H3C4: variants seen among roughly 807,000 people sequenced by gnomAD.
H3C4 encodes H3 clustered histone 4, also known as histone H3.1.
H3C4 carries 10 observed loss-of-function variants against 8.7 expected under a neutral mutation model. The observed-to-expected ratio is 1.15, with a 90% CI of 0.71 to 1.96. The LOEUF is 1.96. Ranked by LOEUF, H3C4 falls within the 30% of genes most tolerant of loss-of-function variation. The pLI is 0.00. For synonymous variants in H3C4, 141 were observed against 80.1 expected (o/e 1.76, Z -4.06); for missense variants, 216 against 192.9 (o/e 1.12, Z -0.71).
Position 26,196,918 on chromosome 6 carries a change from G to T in H3C4, c.333C>A (p.Cys111Ter), listed in dbSNP as rs372338273. The change falls in exon 1 of 1, where the codon TGC becomes TGA. Residue 111 changes from cysteine to a stop codon, truncating the protein, a stop_gained. Coordinates refer to ENST00000356476, the MANE Select transcript of H3C4 (RefSeq NM_001376937.1). LOFTEE classifies it high-confidence loss of function. ...LVGLFEDTNL[C>*]AIHAKRVTIM... ...TAGTCACTCGCTTGGCGTGAATGGCGCATAGGTTGGTGTCCTCAAACAGCC... is the reference window on the plus strand; with the variant it reads ...TAGTCACTCGCTTGGCGTGAATGGCTCATAGGTTGGTGTCCTCAAACAGCC... The T allele has an allele frequency of 1.9e-6, 3 of 1,614,116 alleles. No homozygotes were observed. Among genetic ancestry groups the T allele is most frequent in the Non-Finnish European group, 2.5e-6 (3 of 1,180,040 alleles).
chr6:26,199,243 T>C (rs1216154213), upstream of H3C4: 6 of 1,592,406 alleles, frequency 3.8e-6, no homozygotes, highest in East Asian at 4.5e-5. Flanking sequence ...CGTCCGGACA[T>C]TTTGAATTCT....
chr6:26,197,114 G>A lies in H3C4; in HGVS notation c.137C>T (p.Thr46Met). ...VKKPHRYRPG[T>M]VALREIRRYQ... Reference sequence around the variant, plus strand: ...GCGGCGGATCTCGCGCAGAGCCACCGTGCCGGGCCGGTAACGGTGGGGCTT... The same window carrying A: ...GCGGCGGATCTCGCGCAGAGCCACCATGCCGGGCCGGTAACGGTGGGGCTT... The change falls in exon 1 of 1, where the codon ACG (threonine) becomes ATG (methionine). Residue 46 changes from threonine (T) to methionine (M), a missense_variant. Coordinates refer to ENST00000356476, the MANE Select transcript of H3C4 (RefSeq NM_001376937.1). The A allele has an allele frequency of 6.2e-7, 1 of 1,614,206 alleles. No individual in the cohort carries two copies. Among genetic ancestry groups the A allele is most frequent in the South Asian group, 1.1e-5 (1 of 91,088 alleles).
At chr6:26,199,258 A>C (rs1407622065), upstream of H3C4, 1 of 1,590,990 alleles carries the variant, frequency 6.3e-7, no homozygotes, top group Non-Finnish European at 8.5e-7. Flanking sequence ...AATTCTTAAA[A>C]ACGATGTTAA....
chr6:26,198,281 T>C (rs1213992894), upstream of H3C4, among the ~76,000 whole-genome samples: 1 of 152,228 alleles, frequency 6.6e-6, no homozygotes, highest in Non-Finnish European at 1.5e-5. Flanking sequence ...CATTGATCGA[T>C]TTAAATTACA....
chr6:26,198,872 G>T (rs1765051990), upstream of H3C4: 1 of 1,613,936 alleles, frequency 6.2e-7, no homozygotes, highest in South Asian at 1.1e-5. Context: ...TGGCCTTGTG[G>T]TGACTCTCAG....
chr6:26,199,106 G>T (rs753502349), upstream of H3C4: 2 of 1,614,180 alleles, frequency 1.2e-6, no homozygotes, highest in Non-Finnish European at 1.7e-6. Context: ...CTGGCGCGCC[G>T]GCCCCGACTC....
At chr6:26,198,242 A>G (rs1765027145), upstream of H3C4, among the ~76,000 whole-genome samples, 1 of 152,218 alleles carries the variant, frequency 6.6e-6, no homozygotes, top group South Asian at 2.1e-4. Context: ...CAGGCCTTTT[A>G]ACAGCTTTGC....
At chr6:26,199,116 C>G, upstream of H3C4, 2 of 1,614,180 alleles carry the variant, frequency 1.2e-6, no homozygotes, top group Non-Finnish European at 1.7e-6. Context: ...GGCCCCGACT[C>G]GCTCGGAGTA....
rs866960721 is a variant in H3C4, at chr6:26,196,856, C to G, written c.395G>C (p.Arg132Pro). Residue 132 changes from arginine (R) to proline (P), a missense_variant, in exon 1 of 1, where the codon CGT (arginine) becomes CCT (proline). Coordinates refer to ENST00000356476, the MANE Select transcript of H3C4 (RefSeq NM_001376937.1). Reference protein sequence around the residue: ...PKDIQLARRIRGERA With the variant: ...PKDIQLARRIPGERA Reference sequence around the variant, plus strand: ...CAAGACAATTTACGCCCTCTCCCCACGAATGCGGCGAGCAAGCTGGATGTC... The same window carrying G: ...CAAGACAATTTACGCCCTCTCCCCAGGAATGCGGCGAGCAAGCTGGATGTC... 1.9e-6 allele frequency: 3 copies of G among 1,614,214 alleles called. No individual in the cohort carries two copies. In the South Asian group the frequency reaches 3.3e-5, roughly 18 times the overall value.
In H3C4 at chr6:26,196,822, AC is replaced by A; in HGVS notation, c.*17del. 1 of 1,614,072 alleles carries A rather than the reference AC, an allele frequency of 6.2e-7. No homozygotes were observed. Among genetic ancestry groups the A allele is most frequent in the Non-Finnish European group, 8.5e-7 (1 of 1,179,948 alleles). ...AAAGAGCCTTTGGGTTTTGGTTAGC[AC>A]ACATTCACAAGACAATTTACGCCCT... On this transcript the variant is annotated 3_prime_UTR_variant, in exon 1 of 1. Transcript: ENST00000356476.
chr6:26,198,723 A>G (rs1005162636), upstream of H3C4: 49 of 885,878 alleles, frequency 5.5e-5, no homozygotes, highest in African/African-American at 7.5e-4. Context: ...TGGAAAAATT[A>G]TTAAAGAAAA....
At chr6:26,197,504 A>G (rs995596108), upstream of H3C4, among the ~76,000 whole-genome samples, 2 of 151,930 alleles carry the variant, frequency 1.3e-5, no homozygotes, top group African/African-American at 4.8e-5. Flanking sequence ...TTTATTTAAA[A>G]CGTACTTTGG....
upstream of H3C4, among the ~76,000 whole-genome samples, chr6:26,198,000 G>A (rs920772773): frequency 1.3e-5 from 2 of 151,222 alleles, no homozygotes; most frequent in African/African-American, 4.9e-5. Context: ...GGCTCCAGGG[G>A]ATGTAGGTTT....
upstream of H3C4, chr6:26,199,081 C>T: frequency 6.2e-7 from 1 of 1,614,178 alleles, no homozygotes; most frequent in Non-Finnish European, 8.5e-7. Flanking sequence ...TACTCCAACA[C>T]CGCCGCCAGA....
rs1262419542 is a variant in H3C4, at chr6:26,197,018, T to C, written c.233A>G (p.Asp78Gly). ...CTGAAAACGCAGATCAGTCTTGAAG[T>C]CCTGCGCGATCTCACGGACTAGACG... ...FQRLVREIAQ[D>G]FKTDLRFQSS... The change falls in exon 1 of 1, where the codon GAC becomes GGC. Residue 78 changes from aspartate (D) to glycine (G), a missense_variant. Coordinates refer to ENST00000356476, the MANE Select transcript of H3C4 (RefSeq NM_001376937.1). 1 of 1,614,072 alleles carries C rather than the reference T, an allele frequency of 6.2e-7. No individual in the cohort carries two copies. The highest frequency in any genetic ancestry group is 8.5e-7 in the Non-Finnish European group (1 of 1,180,038).
chr6:26,198,003 G>A (rs1462950653), upstream of H3C4, among the ~76,000 whole-genome samples: 10 of 150,884 alleles, frequency 6.6e-5, no homozygotes. Context: ...TCCAGGGGAT[G>A]TAGGTTTGTA....
rs1764982360 is a variant in H3C4, at chr6:26,196,932, C to A, written c.319G>T (p.Asp107Tyr). 1 of 1,614,226 alleles carries A rather than the reference C, an allele frequency of 6.2e-7. No homozygotes were observed. Among genetic ancestry groups the A allele is most frequent in the Non-Finnish European group, 8.5e-7 (1 of 1,180,034 alleles). ...CEAYLVGLFE[D>Y]TNLCAIHAKR... is the part of the protein sequence containing the mutation. ...GCGTGAATGGCGCATAGGTTGGTGT[C>A]CTCAAACAGCCCCACCAGGTAGGCC... Residue 107 changes from aspartate to tyrosine, a missense_variant, in exon 1 of 1, where the codon GAC becomes TAC. Transcript: ENST00000356476.
At chr6:26,199,172 G>A, upstream of H3C4, 1 of 1,614,146 alleles carries the variant, frequency 6.2e-7, no homozygotes, top group Non-Finnish European at 8.5e-7. Flanking sequence ...CAGGGAACTG[G>A]AGTCCGGCCC....
chr6:26,198,449 A>T (rs768339524), upstream of H3C4, among the ~76,000 whole-genome samples: 3 of 152,114 alleles, frequency 2.0e-5, no homozygotes, highest in African/African-American at 7.2e-5. Context: ...CTCCTGCCTC[A>T]ACCTCTTAAA....
Sources: allele counts gnomAD v4.1 joint callset (sites outside exome capture counted in the v4.1 genomes callset), GRCh38; gene constraint gnomAD v4.1.1; transcripts MANE v1.5; gene names NCBI Gene and HGNC (gene_info 2026-07-23, HGNC 2026-07-21).